The following CRIM1 variants were observed in gnomAD, a reference collection of about 807,000 sequenced individuals.
The protein encoded by CRIM1 is cysteine-rich motor neuron 1 protein.
CRIM1 carries 32 observed loss-of-function variants against 116.4 expected under a neutral mutation model. The ratio of observed to expected loss-of-function variants is 0.27; its 90% CI spans 0.21 to 0.37. The LOEUF (loss-of-function observed/expected upper bound fraction) is 0.37. CRIM1 is among the 10% of genes least tolerant of loss of function. The pLI, the probability that CRIM1 is intolerant of heterozygous loss-of-function variation, is 1.00. For synonymous variants in CRIM1, 590 were observed against 509.2 expected (o/e 1.16, Z -2.13); for missense variants, 1,331 against 1,354.8 (o/e 0.98, Z 0.28).
intron 2 of CRIM1, among the ~76,000 whole-genome samples, chr2:36,404,972 C>T (rs1009208087): frequency 4.6e-5 from 7 of 152,066 alleles, no homozygotes; most frequent in Admixed American, 1.3e-4. Flanking sequence ...ACAAGTAAAG[C>T]GTACGTGCTA....
intron 13 of CRIM1, among the ~76,000 whole-genome samples, chr2:36,533,988 G>A (rs1465299355): frequency 1.4e-5 from 2 of 147,440 alleles, no homozygotes; most frequent in Admixed American, 1.3e-4. Flanking sequence ...AGGAGAGAGG[G>A]GGAAGGAAGG....
intron 2 of CRIM1, among the ~76,000 whole-genome samples, chr2:36,424,174 T>A (rs1333819225): frequency 2.0e-5 from 3 of 152,138 alleles, no homozygotes; most frequent in Non-Finnish European, 4.4e-5. Context: ...TAAGTGTAAA[T>A]AATTAATGAT....
chr2:36,469,656 AC>A (rs1426601445), intron 5 of CRIM1, among the ~76,000 whole-genome samples: 1 of 152,174 alleles, frequency 6.6e-6, no homozygotes, highest in Non-Finnish European at 1.5e-5. Context: ...TCAAAAAAAA[AC>A]ACTAGTACAG....
intron 1 of CRIM1, among the ~76,000 whole-genome samples, chr2:36,376,115 T>C (rs1025396868): frequency 1.3e-5 from 2 of 152,174 alleles, no homozygotes; most frequent in African/African-American, 4.8e-5. Context: ...AACCCCAACA[T>C]AGGGCCTGTA....
At chr2:36,403,427 G>T (rs1216452443) in intron 2 of CRIM1, among the ~76,000 whole-genome samples, 3 of 152,158 alleles carry the variant, frequency 2.0e-5, no homozygotes, top group Non-Finnish European at 4.4e-5. Flanking sequence ...GGACAAATAA[G>T]AACCGTGTTG....
At chr2:36,536,651 G>C (rs1267280718) in intron 13 of CRIM1, among the ~76,000 whole-genome samples, 2 of 152,134 alleles carry the variant, frequency 1.3e-5, no homozygotes, top group African/African-American at 4.8e-5. Flanking sequence ...TTGAGTCCCA[G>C]AGAAAGGAAC....
chr2:36,403,681 G>T (rs747581862), intron 2 of CRIM1, among the ~76,000 whole-genome samples: 1 of 152,136 alleles, frequency 6.6e-6, no homozygotes, highest in Non-Finnish European at 1.5e-5. Flanking sequence ...ATTGTGGGAG[G>T]ACTATTATCA....
In CRIM1 at chr2:36,509,971, G is replaced by C. The variant is rs1558384351; in HGVS notation, c.1502-12G>C. The stretch of plus-strand genomic sequence containing the variant: ...TCTTTGGAAGAAACATGCCGTCTCT[G>C]TGTCTTCACAGCCGAGGAACTATGT... On this transcript the variant is annotated splice_polypyrimidine_tract_variant and intron_variant, in intron 8 of 16. Coordinates refer to ENST00000280527, the MANE Select transcript of CRIM1 (RefSeq NM_016441.3). 6.2e-7 allele frequency: 1 copy of C among 1,612,122 alleles called. No individual in the cohort carries two copies. The highest frequency in any genetic ancestry group is 8.5e-7 in the Non-Finnish European group (1 of 1,178,950).
intron 13 of CRIM1, among the ~76,000 whole-genome samples, chr2:36,535,337 C>A (rs1435420610): frequency 6.6e-6 from 1 of 152,130 alleles, no homozygotes; most frequent in Non-Finnish European, 1.5e-5. Context: ...ATTTTGGATA[C>A]CTTAGTGAAG....
At chr2:36,469,735 C>T (rs1678342811) in intron 5 of CRIM1, among the ~76,000 whole-genome samples, 1 of 152,198 alleles carries the variant, frequency 6.6e-6, no homozygotes, top group Non-Finnish European at 1.5e-5. Flanking sequence ...GTAATGTCTT[C>T]TACTGATAGA....
intron 1 of CRIM1, among the ~76,000 whole-genome samples, chr2:36,357,771 G>C (rs970331123): frequency 1.3e-5 from 2 of 152,196 alleles, no homozygotes; most frequent in Non-Finnish European, 2.9e-5. Flanking sequence ...AGGAGGGACA[G>C]GCGCCCTCTG....
intron 8 of CRIM1, among the ~76,000 whole-genome samples, chr2:36,502,035 C>T (rs887652564): frequency 3.3e-5 from 5 of 152,134 alleles, no homozygotes; most frequent in Non-Finnish European, 7.4e-5. Context: ...TCTTTCTTAA[C>T]ATGGGATCAT....
rs753255726 is a variant in CRIM1, at chr2:36,464,567, C to T, written c.903C>T (p.Pro301=). The part of the protein sequence containing the change: ...CECLSGLCGF[P]VCEVGSTPRI... ...GTCTCTCTGGCTTATGTGGTTTCCC[C>T]GTGTGTGAGGTGGGATCCACTCCCC... is the stretch of plus-strand genomic sequence containing the variant. Residue 301 remains proline (P), a synonymous_variant, in exon 5 of 17, where the codon CCC becomes CCT. Transcript: ENST00000280527. 14 of 1,613,912 alleles carry T rather than the reference C, an allele frequency of 8.7e-6. No individual in the cohort carries two copies. The highest frequency in any genetic ancestry group is 4.4e-5 in the South Asian group (4 of 91,086).
intron 1 of CRIM1, among the ~76,000 whole-genome samples, chr2:36,362,485 G>A (rs1669291621): frequency 2.0e-5 from 3 of 152,216 alleles, no homozygotes; most frequent in East Asian, 1.9e-4. Context: ...GCTTCAAAAC[G>A]GCAAGTTTCC....
In CRIM1 at chr2:36,547,167, CT is replaced by C; in HGVS notation, c.2931del (p.Lys978SerfsTer5). 1 of 1,610,112 alleles carries C rather than the reference CT, an allele frequency of 6.2e-7. No homozygotes were observed. The highest frequency in any genetic ancestry group is 8.5e-7 in the Non-Finnish European group (1 of 1,177,610). ...CTGCTTTGCTGGTATCGAACACCAA[CT>C]AAGGTACTGTCTTGCAAAAGTTAGT... Reference protein sequence around the residue: ...IPLLCWYRTPTKPSSLNNQLV... With the variant: ...IPLLCWYRTPXKPSSLNNQLV... On this transcript the variant is annotated frameshift_variant, in exon 16 of 17. Coordinates refer to ENST00000280527, the MANE Select transcript of CRIM1 (RefSeq NM_016441.3). LOFTEE classifies it high-confidence loss of function.
At chr2:36,401,067 T>C (rs1340574372) in intron 2 of CRIM1, among the ~76,000 whole-genome samples, 2 of 152,058 alleles carry the variant, frequency 1.3e-5, no homozygotes, top group Non-Finnish European at 1.5e-5. Context: ...ATGCTGAAAA[T>C]GAATTCGAAA....
chr2:36,414,327 A>G (rs1673440205), intron 2 of CRIM1, among the ~76,000 whole-genome samples: 2 of 152,208 alleles, frequency 1.3e-5, no homozygotes, highest in African/African-American at 4.8e-5. Flanking sequence ...TGAAGTTTAT[A>G]TGTTTATTCT....
At chr2:36,404,289 C>T (rs937567677) in intron 2 of CRIM1, among the ~76,000 whole-genome samples, 5 of 151,966 alleles carry the variant, frequency 3.3e-5, no homozygotes, top group African/African-American at 1.2e-4. Flanking sequence ...ATTTATACTC[C>T]CTTGTTCAAA....
At chr2:36,364,062 T>C (rs745728539) in intron 1 of CRIM1, among the ~76,000 whole-genome samples, 136 of 152,222 alleles carry the variant, frequency 8.9e-4, no homozygotes, top group Non-Finnish European at 6.6e-4. Flanking sequence ...TTTCTGTTAG[T>C]CGTCGGTACC....
Sources: gnomAD v4.1 joint callset for allele counts (sites outside exome capture counted in the v4.1 genomes callset) on GRCh38, gnomAD v4.1.1 for gene constraint, MANE v1.5 for transcripts, NCBI Gene and HGNC (gene_info 2026-07-23, HGNC 2026-07-21) for gene names.